Variants in MALRD1 observed in about 807,000 individuals in gnomAD.
The protein encoded by MALRD1 is MAM and LDL receptor class A domain containing 1.
In MALRD1, 247 loss-of-function variants were observed where a neutral mutation model predicts 242.1. The observed-to-expected ratio is 1.02, with a 90% CI of 0.92 to 1.13. The LOEUF (loss-of-function observed/expected upper bound fraction) is 1.13, where lower values mean the gene tolerates loss of function less well. Among genes scored for constraint, MALRD1 ranks in the 50% most tolerant of loss-of-function variants. The probability of loss-of-function intolerance (pLI) is 0.00; values close to 1 mark genes in which losing one functional copy is unlikely to be tolerated. For missense variants in MALRD1, 2,989 were observed against 2,533.1 expected (o/e 1.18, Z -3.86); for synonymous variants, 995 against 866.6 (o/e 1.15, Z -2.60).
intron 14 of MALRD1, among the ~76,000 whole-genome samples, chr10:19,199,342 G>A (rs1051741113): frequency 2.0e-5 from 3 of 152,176 alleles, no homozygotes; most frequent in African/African-American, 7.2e-5. Flanking sequence ...TAGAATAGCT[G>A]TTTAAAAATT....
chr10:19,356,716 G>A (rs1844652623), intron 26 of MALRD1, among the ~76,000 whole-genome samples: 1 of 152,036 alleles, frequency 6.6e-6, no homozygotes, highest in South Asian at 2.1e-4. Context: ...GCACTCTAGG[G>A]CACTTTTGGG....
intron 36 of MALRD1, among the ~76,000 whole-genome samples, chr10:19,616,504 C>T (rs2131612360): frequency 6.6e-6 from 1 of 152,078 alleles, no homozygotes; most frequent in Middle Eastern, 3.4e-3. Flanking sequence ...TTCTCTCACC[C>T]TTTGGGGAAT....
intron 26 of MALRD1, among the ~76,000 whole-genome samples, chr10:19,371,102 A>AG (rs1000261908): frequency 2.0e-5 from 3 of 149,732 alleles, no homozygotes; most frequent in Non-Finnish European, 4.5e-5. Context: ...TAAAAAAAAA[A>AG]AAAAAAAAGA....
chr10:19,695,389 T>G (rs1833328983), intron 38 of MALRD1, among the ~76,000 whole-genome samples: 1 of 152,096 alleles, frequency 6.6e-6, no homozygotes, highest in Non-Finnish European at 1.5e-5. Context: ...CTCACACTGC[T>G]AATAAAGACA....
chr10:19,479,307 G>C (rs1427568337), intron 29 of MALRD1, among the ~76,000 whole-genome samples: 3 of 152,154 alleles, frequency 2.0e-5, no homozygotes, highest in Non-Finnish European at 4.4e-5. Flanking sequence ...TGGAGCCCCA[G>C]GAGAGCCAGA....
intron 21 of MALRD1, among the ~76,000 whole-genome samples, chr10:19,284,129 A>G (rs1291423252): frequency 2.6e-5 from 4 of 152,238 alleles, no homozygotes; most frequent in African/African-American, 9.6e-5. Flanking sequence ...ACTACATAAC[A>G]AATGTAATAT....
intron 21 of MALRD1, among the ~76,000 whole-genome samples, chr10:19,295,285 T>C (rs901642838): frequency 6.6e-6 from 1 of 152,156 alleles, no homozygotes; most frequent in Non-Finnish European, 1.5e-5. Flanking sequence ...GTACCACTTT[T>C]GCAATCAGTT....
At chr10:19,627,496 G>A (rs112175389) in intron 36 of MALRD1, among the ~76,000 whole-genome samples, 10,050 of 152,080 alleles carry the variant, frequency 0.066, 809 homozygotes, top group African/African-American at 0.19. Context: ...CCAGCACTTT[G>A]GGAGGCCAGG....
intron 26 of MALRD1, among the ~76,000 whole-genome samples, chr10:19,376,224 C>T (rs141040714): frequency 0.015 from 2,227 of 152,326 alleles, 58 homozygotes; most frequent in African/African-American, 0.05. Context: ...TTGCCCTCAG[C>T]GTCTTCAAAT....
At chr10:19,376,274 T>C (rs1000447506) in intron 26 of MALRD1, among the ~76,000 whole-genome samples, 4 of 152,326 alleles carry the variant, frequency 2.6e-5, no homozygotes, top group African/African-American at 7.2e-5. Flanking sequence ...ATTTCTACCT[T>C]TATTTAATCT....
intron 21 of MALRD1, among the ~76,000 whole-genome samples, chr10:19,315,667 C>G (rs1331054961): frequency 9.2e-5 from 11 of 119,456 alleles, no homozygotes; most frequent in African/African-American, 3.8e-4. Flanking sequence ...ATTTATATGA[C>G]TATAGTTATA....
chr10:19,627,903 C>A (rs1044381116), intron 36 of MALRD1, among the ~76,000 whole-genome samples: 13 of 151,132 alleles, frequency 8.6e-5, no homozygotes, highest in African/African-American at 3.2e-4. Context: ...ATAAACTAGA[C>A]ACACATTATT....
At chr10:19,646,476 G>T (rs1273641541) in intron 36 of MALRD1, among the ~76,000 whole-genome samples, 2 of 152,066 alleles carry the variant, frequency 1.3e-5, no homozygotes, top group Admixed American at 1.3e-4. Flanking sequence ...GTAGTGGCAC[G>T]CACATGTAAT....
chr10:19,452,990 G>A (rs533976975), intron 29 of MALRD1, among the ~76,000 whole-genome samples: 9 of 152,264 alleles, frequency 5.9e-5, no homozygotes, highest in Admixed American at 2.6e-4. Context: ...ACGTTTACAT[G>A]AATATTAAAT....
rs144537750 is a variant in MALRD1, at chr10:19,419,657, G to A, written c.4845+30048G>A. 7.9e-5 allele frequency among the ~76,000 whole-genome samples: 12 copies of A among 152,104 alleles called. No homozygotes were observed. The East Asian group carries it at 1.9e-3, about 25-fold the overall frequency. On this transcript the variant is annotated intron_variant, in intron 28 of 39. Coordinates refer to ENST00000454679, the MANE Select transcript of MALRD1 (RefSeq NM_001142308.3). ...TTCAAATGGAAAAATCCTTTTACTC[G>A]TCAAATCCCATTCAGTATTACCGCT...
intron 38 of MALRD1, chr10:19,722,619 A>AAAAAAAAAAAAAAAAAAGG (rs57292963): frequency 1.4e-5 from 2 of 144,474 alleles, no homozygotes; most frequent in South Asian, 2.2e-4. Context: ...AAAAAAAAAA[A>AAAAAAAAAAAAAAAAAAGG]GGTGGAAAAA....
Position 19,049,102 on chromosome 10 carries a change from C to A in MALRD1, c.164C>A (p.Thr55Lys). ...CCTCCTGACAGCATTTGTGACTTCA[C>A]AGATCAGTGTGGGGATAGCAGTGAT... The part of the protein sequence containing the change: ...SLPPDSICDF[T>K]DQCGDSSDER... Residue 55 changes from threonine to lysine, a missense_variant, in exon 1 of 40, where the codon ACA (threonine) becomes AAA (lysine). By Grantham distance (78) the Thr-to-Lys change is moderately conservative. Coordinates refer to ENST00000454679, the MANE Select transcript of MALRD1 (RefSeq NM_001142308.3). 2 of 1,233,894 alleles carry A rather than the reference C, an allele frequency of 1.6e-6. No homozygotes were observed. The highest frequency in any genetic ancestry group is 2.0e-6 in the Non-Finnish European group (2 of 988,146). The allele number at this position is 1,233,894 out of a possible 1,614,324, so 76.4% of individuals were successfully genotyped here. A position where few individuals can be genotyped will look rare whatever the true frequency, so the allele number is the denominator to read the frequency against.
chr10:19,450,495 G>T lies in MALRD1; in HGVS notation c.5029+5G>T. 1 of 1,538,586 alleles carries T rather than the reference G, an allele frequency of 6.5e-7. No homozygotes were observed. Among genetic ancestry groups the T allele is most frequent in the Non-Finnish European group, 8.8e-7 (1 of 1,141,584 alleles). On this transcript the variant is annotated splice_donor_5th_base_variant and intron_variant, in intron 29 of 39. Transcript: ENST00000454679. ...AATTTAAAAACTGCACAACTGGTAA[G>T]TTTCCAGAAAGCACTTCCATTTGGA...
chr10:19,656,770 T>TCAGCTTGTC (rs1236641753), intron 36 of MALRD1, among the ~76,000 whole-genome samples: 1 of 152,150 alleles, frequency 6.6e-6, no homozygotes, highest in African/African-American at 2.4e-5. Context: ...AGGGTGTCTA[T>TCAGCTTGTC]CAGCTTGTCC....
Sources: allele counts gnomAD v4.1 joint callset (sites outside exome capture counted in the v4.1 genomes callset), GRCh38; gene constraint gnomAD v4.1.1; transcripts MANE v1.5; gene names NCBI Gene and HGNC (gene_info 2026-07-23, HGNC 2026-07-21).